NFATC2: variants seen among roughly 807,000 people sequenced by gnomAD.
The protein encoded by NFATC2 is nuclear factor of activated T cells 2.
In NFATC2, 22 loss-of-function variants were observed where a neutral mutation model predicts 87.3. The observed-to-expected ratio is 0.25, with a 90% confidence interval of 0.18 to 0.36. The LOEUF is 0.36. Ranked by LOEUF, NFATC2 falls within the 10% of genes least tolerant of loss-of-function variation. NFATC2 has a pLI of 1.00. For missense variants in NFATC2, 1,149 were observed against 1,259.1 expected, an observed-to-expected ratio of 0.91 and a Z score of 1.32; for synonymous variants, 565 against 542.2, an observed-to-expected ratio of 1.04 and a Z score of -0.58.
At chr20:51,508,608 G>A (rs571101827) in intron 3 of NFATC2, among the ~76,000 whole-genome samples, 35 of 151,568 alleles carry the variant, frequency 2.3e-4, no homozygotes, top group African/African-American at 7.8e-4. Flanking sequence ...CCCCATCCCC[G>A]CCTCCATCTT....
Position 51,397,630 on chromosome 20 carries a change from G to C in NFATC2, c.*44+1013C>G, listed in dbSNP as rs1409613730. Among the ~76,000 whole-genome samples the C allele has an allele frequency of 3.9e-5, 6 of 152,206 alleles. No homozygotes were observed. The East Asian group carries it at 9.7e-4, about 25-fold the overall frequency. The stretch of plus-strand genomic sequence containing the variant: ...ACTCCTGAGGGACTCCCCAGGAGCC[G>C]ATTCCTCAGATGCAAAAAGTCCTGA... On this transcript the variant is annotated intron_variant, in intron 10 of 10. Transcript: ENST00000371564.
At chr20:51,400,719 C>A (rs898572635) in intron 9 of NFATC2, among the ~76,000 whole-genome samples, 3 of 152,204 alleles carry the variant, frequency 2.0e-5, no homozygotes, top group Non-Finnish European at 4.4e-5. Context: ...CCCTCCTCCG[C>A]AGGTGGCTAC....
At chr20:51,456,134 G>A (rs938526465) in intron 5 of NFATC2, among the ~76,000 whole-genome samples, 19 of 150,840 alleles carry the variant, frequency 1.3e-4, no homozygotes, top group South Asian at 2.1e-4. Context: ...GTGGGTGAGT[G>A]GATGGATGGG....
intron 2 of NFATC2, among the ~76,000 whole-genome samples, chr20:51,519,123 C>T (rs1000442881): frequency 1.3e-5 from 2 of 152,072 alleles, no homozygotes; most frequent in African/African-American, 4.8e-5. Context: ...ACGAGCCACA[C>T]GTGTCAAACA....
chr20:51,440,713 C>T (rs562081736), intron 6 of NFATC2, among the ~76,000 whole-genome samples: 1 of 152,314 alleles, frequency 6.6e-6, no homozygotes, highest in East Asian at 1.9e-4. Context: ...CATGGAAGGT[C>T]TGCACTCGGT....
At chr20:51,438,898 G>T (rs1568978355) in intron 6 of NFATC2, among the ~76,000 whole-genome samples, 1 of 152,224 alleles carries the variant, frequency 6.6e-6, no homozygotes, top group South Asian at 2.1e-4. Flanking sequence ...CAGCCTTTAA[G>T]CAACAACTGA....
chr20:51,517,618 A>G (rs1041101361), intron 2 of NFATC2, among the ~76,000 whole-genome samples: 1 of 151,380 alleles, frequency 6.6e-6, no homozygotes. Flanking sequence ...ACAAAACAAA[A>G]CCAAAAAACA....
At position 51,531,380 on chromosome 20, in the gene NFATC2, A is replaced by G. The variant is rs544376262; in HGVS notation, c.131-7270T>C. Among the ~76,000 whole-genome samples, 8 of 152,356 alleles carry G rather than the reference A, an allele frequency of 5.3e-5. No individual in the cohort carries two copies. The South Asian group carries it at 1.7e-3, about 32-fold the overall frequency. ...CTGTGGCAGACACCTGAAAGTTCTC[A>G]TTCTTATCACCCCTCCTTTCATCAA... On this transcript the variant is annotated intron_variant, in intron 1 of 10. Transcript: ENST00000371564.
At position 51,454,575 on chromosome 20, in the gene NFATC2, T is replaced by G; in HGVS notation, c.1822A>C (p.Lys608Gln). ...GTGGTCTTCTCAGTAAACACAACTT[T>G]GGACTCGGATGTAAAGTTCTGCCCC... ...LTGQNFTSESKVVFTEKTTDG... is the reference protein window; with the variant it reads ...LTGQNFTSESQVVFTEKTTDG... The change falls in exon 6 of 11, where the codon AAA (lysine) becomes CAA (glutamine). Residue 608 changes from lysine to glutamine, a missense_variant. Physicochemically the swap from Lys to Gln is moderately conservative, Grantham distance 53. Transcript: ENST00000371564. 2 of 1,614,102 alleles carry G rather than the reference T, an allele frequency of 1.2e-6. No homozygotes were observed. The highest frequency in any genetic ancestry group is 8.5e-7 in the Non-Finnish European group (1 of 1,180,024).
At chr20:51,497,343 A>C (rs2076005875) in intron 3 of NFATC2, among the ~76,000 whole-genome samples, 1 of 152,170 alleles carries the variant, frequency 6.6e-6, no homozygotes, top group Non-Finnish European at 1.5e-5. Context: ...ATAAATGCAA[A>C]AAGAAGATGC....
intron 5 of NFATC2, among the ~76,000 whole-genome samples, chr20:51,459,643 C>T (rs925384311): frequency 2.0e-5 from 3 of 151,954 alleles, no homozygotes; most frequent in Non-Finnish European, 4.4e-5. Context: ...TTTGGGAGGC[C>T]GAGGCAGGTG....
At chr20:51,545,394 G>A (rs1009975174), upstream of NFATC2, among the ~76,000 whole-genome samples, 19 of 152,182 alleles carry the variant, frequency 1.2e-4, no homozygotes, top group African/African-American at 4.6e-4. Context: ...CCTTCCCCAA[G>A]CAACGAAGTG....
At chr20:51,561,444 A>AAAGG (rs2077025331) in intron 1 of NFATC2, among the ~76,000 whole-genome samples, 24 of 93,700 alleles carry the variant, frequency 2.6e-4, no homozygotes, top group Non-Finnish European at 3.7e-4. Flanking sequence ...AGAAAGAAAG[A>AAAGG]AAGAAAGAAA....
At chr20:51,466,116 G>A (rs998976480) in intron 5 of NFATC2, among the ~76,000 whole-genome samples, 3 of 152,016 alleles carry the variant, frequency 2.0e-5, no homozygotes, top group Admixed American at 6.6e-5. Flanking sequence ...GCAGTGGTGG[G>A]ATCTCGGCTC....
At chr20:51,502,762 T>C (rs1369016990) in intron 3 of NFATC2, among the ~76,000 whole-genome samples, 2 of 152,222 alleles carry the variant, frequency 1.3e-5, no homozygotes, top group Non-Finnish European at 2.9e-5. Context: ...GTTTAATCAA[T>C]ATTCACCTGA....
intron 8 of NFATC2, among the ~76,000 whole-genome samples, chr20:51,433,017 C>G (rs1983008035): frequency 6.6e-6 from 1 of 151,986 alleles, no homozygotes; most frequent in Non-Finnish European, 1.5e-5. Context: ...CTGACTCAGC[C>G]CTGGGATGTT....
chr20:51,492,593 G>A (rs2075912309), intron 3 of NFATC2, among the ~76,000 whole-genome samples: 1 of 152,214 alleles, frequency 6.6e-6, no homozygotes, highest in Admixed American at 6.5e-5. Flanking sequence ...AAGATAAGGG[G>A]ACTGTGCGGG....
intron 5 of NFATC2, among the ~76,000 whole-genome samples, chr20:51,466,798 G>A (rs1321042147): frequency 1.3e-5 from 2 of 152,192 alleles, no homozygotes; most frequent in Admixed American, 6.5e-5. Context: ...TGGGCTGGGC[G>A]CAGTGGCTCA....
At chr20:51,499,885 G>A (rs2076050865) in intron 3 of NFATC2, among the ~76,000 whole-genome samples, 2 of 152,166 alleles carry the variant, frequency 1.3e-5, no homozygotes, top group African/African-American at 4.8e-5. Flanking sequence ...CCCAATTCAT[G>A]GGGTTACAAT....
Sources: gnomAD v4.1 joint callset for allele counts (sites outside exome capture counted in the v4.1 genomes callset) on GRCh38, gnomAD v4.1.1 for gene constraint, MANE v1.5 for transcripts, NCBI Gene and HGNC (gene_info 2026-07-23, HGNC 2026-07-21) for gene names.